Variants in FGFR2 observed in about 807,000 individuals in gnomAD.
FGFR2 encodes BEK fibroblast growth factor receptor.
FGFR2 carries 19 observed loss-of-function variants against 95.9 expected under a neutral mutation model. The ratio of observed to expected loss-of-function variants is 0.20; its 90% CI spans 0.14 to 0.29. The LOEUF (loss-of-function observed/expected upper bound fraction) is 0.29, where lower values mean the gene tolerates loss of function less well. Among genes scored for constraint, FGFR2 ranks in the 10% least tolerant of loss-of-function variants. FGFR2 has a pLI of 1.00. For missense variants in FGFR2, 707 were observed against 1,056.9 expected, an observed-to-expected ratio of 0.67 and a Z score of 4.59; for synonymous variants, 392 against 393.3, an observed-to-expected ratio of 1.00 and a Z score of 0.04.
rs1304928625 is a variant in FGFR2, at chr10:121,531,681, G to A, written c.748+6911C>T. ...GTCATCACCCCATTTTACAGGCAAG[G>A]AAACTGAGGCTCAGAGGTTCCATGC... On this transcript the variant is annotated intron_variant, in intron 6 of 17. Coordinates refer to ENST00000358487, the MANE Select transcript of FGFR2 (RefSeq NM_000141.5). This position sits in a 1 kb window ranked among gnomAD's most constrained non-coding sequence, Gnocchi z 4.5. Among the ~76,000 whole-genome samples, 1 of 152,114 alleles carries A rather than the reference G, an allele frequency of 6.6e-6. No homozygotes were observed. The highest frequency in any genetic ancestry group is 1.9e-4 in the East Asian group (1 of 5,170).
At chr10:121,570,154 C>G (rs80167779) in intron 2 of FGFR2, among the ~76,000 whole-genome samples, 1 of 60,652 alleles carries the variant, frequency 1.6e-5, no homozygotes, top group African/African-American at 3.1e-5. Context: ...ACACAAGCAC[C>G]TAACAGCTGG....
At chr10:121,536,974 A>T (rs999889879) in intron 6 of FGFR2, among the ~76,000 whole-genome samples, 5 of 152,252 alleles carry the variant, frequency 3.3e-5, no homozygotes, top group African/African-American at 1.2e-4. Flanking sequence ...ACAGGAACCC[A>T]GGTAAAGGCC....
intron 13 of FGFR2, among the ~76,000 whole-genome samples, chr10:121,491,873 C>CAAAA (rs149016265): frequency 1.6e-5 from 2 of 128,542 alleles, no homozygotes; most frequent in African/African-American, 3.1e-5. Flanking sequence ...CTGTCTCAAC[C>CAAAA]AAAAAAAAAA....
chr10:121,565,880 G>A lies in FGFR2; in HGVS notation c.110-176C>T, dbSNP rs41302297. On this transcript the variant is annotated intron_variant, in intron 2 of 17. Transcript: ENST00000358487. ...GCCCCAGGAAGTCAGGAAGTATCTG[G>A]AAGAGCAACCAGAGGATACCCCCAG... 4.1e-3 allele frequency: 2,948 copies of A among 717,950 alleles called. 10 individuals are homozygous for A. Among genetic ancestry groups the A allele is most frequent in the Middle Eastern group, 0.011 (28 of 2,628 alleles). The allele number at this position is 717,950 out of a possible 1,614,324, so 44.5% of individuals were successfully genotyped here. A position where few individuals can be genotyped will look rare whatever the true frequency, so the allele number is the denominator to read the frequency against.
chr10:121,489,291 C>G (rs1472405430), intron 13 of FGFR2, among the ~76,000 whole-genome samples: 5 of 152,094 alleles, frequency 3.3e-5, no homozygotes, highest in African/African-American at 7.2e-5. Context: ...TCAGGCTGGT[C>G]TCGAACTCCT....
chr10:121,541,872 A>C (rs545029933), intron 5 of FGFR2, among the ~76,000 whole-genome samples: 129 of 152,378 alleles, frequency 8.5e-4, no homozygotes, highest in Non-Finnish European at 1.5e-3. Flanking sequence ...TAAAATTAGC[A>C]GCACACATTT....
At chr10:121,553,449 C>T (rs560327267) in intron 4 of FGFR2, among the ~76,000 whole-genome samples, 1 of 152,276 alleles carries the variant, frequency 6.6e-6, no homozygotes, top group East Asian at 1.9e-4. Context: ...GAAACAATTT[C>T]AATAAACTTT....
chr10:121,532,803 C>T (rs1852268623), intron 6 of FGFR2, among the ~76,000 whole-genome samples: 1 of 152,216 alleles, frequency 6.6e-6, no homozygotes, highest in Non-Finnish European at 1.5e-5. Flanking sequence ...ATAAAAGACG[C>T]TTCATTCTTG....
intron 2 of FGFR2, among the ~76,000 whole-genome samples, chr10:121,575,026 G>C (rs1226621351): frequency 6.6e-6 from 1 of 152,228 alleles, no homozygotes; most frequent in Admixed American, 6.5e-5. Context: ...CGCCTCTGCA[G>C]CGGTAGCTGG....
chr10:121,523,031 A>G (rs1277777058), intron 6 of FGFR2, among the ~76,000 whole-genome samples: 1 of 152,250 alleles, frequency 6.6e-6, no homozygotes, highest in African/African-American at 2.4e-5. Flanking sequence ...CAAGAGCCAG[A>G]CCATGTGCAA....
chr10:121,595,085 C>T (rs981465265), intron 1 of FGFR2, among the ~76,000 whole-genome samples: 11 of 152,280 alleles, frequency 7.2e-5, no homozygotes, highest in African/African-American at 2.6e-4. Flanking sequence ...CAAGAAGGGG[C>T]TCATCAATCT....
At chr10:121,545,888 G>A (rs1040761513) in intron 5 of FGFR2, among the ~76,000 whole-genome samples, 3 of 152,068 alleles carry the variant, frequency 2.0e-5, no homozygotes, top group Non-Finnish European at 2.9e-5. Context: ...TCTGCTGAGG[G>A]GCTCCAGGGG....
chr10:121,586,320 A>G (rs1455034133), intron 2 of FGFR2, among the ~76,000 whole-genome samples: 1 of 152,140 alleles, frequency 6.6e-6, no homozygotes, highest in Admixed American at 6.6e-5. Flanking sequence ...ATCTATCAGC[A>G]TTTTCCTTAT....
intron 4 of FGFR2, among the ~76,000 whole-genome samples, chr10:121,556,603 C>A (rs933774920): frequency 6.6e-6 from 1 of 152,170 alleles, no homozygotes; most frequent in African/African-American, 2.4e-5. Context: ...AGCCAGAGGC[C>A]GGGCTGAGGC....
chr10:121,489,921 A>G (rs1441722691), intron 13 of FGFR2, among the ~76,000 whole-genome samples: 1 of 152,110 alleles, frequency 6.6e-6, no homozygotes, highest in Admixed American at 6.5e-5. Flanking sequence ...ATGTCCCATG[A>G]CTAAGGTTCC....
chr10:121,485,547 G>GA lies in FGFR2; in HGVS notation c.2058-16dup. ...CGAAGGACCAGCTGCAACAAAAGGAGAAAGCACGGCATTACTAACCCATCC... is the reference window on the plus strand; with the variant it reads ...CGAAGGACCAGCTGCAACAAAAGGAGAAAAGCACGGCATTACTAACCCATCC... On this transcript the variant is annotated splice_polypyrimidine_tract_variant and intron_variant, in intron 15 of 17. Coordinates refer to ENST00000358487, the MANE Select transcript of FGFR2 (RefSeq NM_000141.5). The surrounding 1 kb of genome is among the most constrained non-coding windows in gnomAD (Gnocchi z 4.2). The GA allele has an allele frequency of 6.2e-7, 1 of 1,614,090 alleles. No individual in the cohort carries two copies. Among genetic ancestry groups the GA allele is most frequent in the Non-Finnish European group, 8.5e-7 (1 of 1,179,994 alleles).
chr10:121,516,364 T>G (rs556183077), intron 8 of FGFR2, among the ~76,000 whole-genome samples: 2 of 152,342 alleles, frequency 1.3e-5, no homozygotes, highest in East Asian at 3.9e-4. Context: ...GATGCAATGG[T>G]ATTATTGAAA....
chr10:121,581,839 G>C (rs1442648674), intron 2 of FGFR2, among the ~76,000 whole-genome samples: 2 of 150,844 alleles, frequency 1.3e-5, no homozygotes, highest in East Asian at 3.9e-4. Context: ...CCTAAACATG[G>C]GGCACATGCC....
In FGFR2 at chr10:121,478,556, G is replaced by T. The variant is rs71640261; in HGVS notation, c.*1301C>A. On this transcript the variant is annotated 3_prime_UTR_variant, in exon 18 of 18. Coordinates refer to ENST00000358487, the MANE Select transcript of FGFR2 (RefSeq NM_000141.5). Reference sequence around the variant, plus strand: ...ACTTTAGTACAGAAGGAACAACGGCGATATTTTGTCTGATGTAGGTATGAG... The same window carrying T: ...ACTTTAGTACAGAAGGAACAACGGCTATATTTTGTCTGATGTAGGTATGAG... 6 of 233,246 alleles carry T rather than the reference G, an allele frequency of 2.6e-5. No homozygotes were observed. The highest frequency in any genetic ancestry group is 1.3e-4 in the African/African-American group (6 of 45,452). The allele number at this position is 233,246 out of a possible 1,614,324, so 14.4% of individuals were successfully genotyped here.
Sources: allele counts gnomAD v4.1 joint callset (sites outside exome capture counted in the v4.1 genomes callset), GRCh38; gene constraint gnomAD v4.1.1; non-coding constraint Gnocchi (gnomAD v3.1); transcripts MANE v1.5; gene names NCBI Gene and HGNC (gene_info 2026-07-23, HGNC 2026-07-21).